CCDC170: variants seen among roughly 807,000 people sequenced by gnomAD.
CCDC170 encodes the protein coiled-coil domain containing 170.
CCDC170 carries 69 observed loss-of-function variants against 72.6 expected under a neutral mutation model. The ratio of observed to expected loss-of-function variants is 0.95; its 90% CI spans 0.78 to 1.16. The LOEUF (loss-of-function observed/expected upper bound fraction) is 1.16. Ranked by LOEUF, CCDC170 falls within the 50% of genes most tolerant of loss-of-function variation. CCDC170 has a pLI of 0.00. For synonymous variants in CCDC170, 300 were observed against 303.9 expected (o/e 0.99, Z 0.13); for missense variants, 852 against 832.5 (o/e 1.02, Z -0.29).
At chr6:151,516,199 T>C (rs569014616) in intron 1 of CCDC170, among the ~76,000 whole-genome samples, 47 of 152,312 alleles carry the variant, frequency 3.1e-4, no homozygotes, top group African/African-American at 1.1e-3. Context: ...CAGGAGTCTG[T>C]TCTCTCAGTC....
chr6:151,514,151 A>T (rs1263991384), intron 1 of CCDC170, among the ~76,000 whole-genome samples: 2 of 151,432 alleles, frequency 1.3e-5, no homozygotes, highest in African/African-American at 4.9e-5. Flanking sequence ...AATTACAAAA[A>T]TTAGCTGGGC....
intron 5 of CCDC170, among the ~76,000 whole-genome samples, chr6:151,561,180 C>A (rs1233023782): frequency 6.6e-6 from 1 of 151,736 alleles, no homozygotes; most frequent in Non-Finnish European, 1.5e-5. Context: ...ATGGGTATAT[C>A]CATCCCCTCA....
intron 5 of CCDC170, among the ~76,000 whole-genome samples, chr6:151,562,441 G>A (rs545904941): frequency 3.7e-4 from 56 of 152,114 alleles, no homozygotes; most frequent in Admixed American, 2.2e-3. Flanking sequence ...ATGTGTGATC[G>A]TTTGGCTTCA....
intron 6 of CCDC170, among the ~76,000 whole-genome samples, chr6:151,579,035 TC>T (rs773708091): frequency 1.6e-4 from 24 of 149,446 alleles, no homozygotes; most frequent in African/African-American, 2.5e-4. Flanking sequence ...GCTTTTTGTT[TC>T]AAAAAAAAAG....
chr6:151,585,389 C>A (rs974584540), intron 6 of CCDC170, among the ~76,000 whole-genome samples: 2 of 152,190 alleles, frequency 1.3e-5, no homozygotes, highest in Non-Finnish European at 2.9e-5. Flanking sequence ...AACCAATCTT[C>A]AACAGAAAGC....
In CCDC170 at chr6:151,617,971, T is replaced by A. The variant is rs758952219; in HGVS notation, c.1972T>A (p.Ser658Thr). The A allele has an allele frequency of 1.9e-6, 3 of 1,613,746 alleles. No individual in the cohort carries two copies. In the East Asian group the frequency reaches 6.7e-5, roughly 36 times the overall value. The change falls in exon 11 of 11, where the codon TCG becomes ACG. Residue 658 changes from serine (S) to threonine (T), a missense_variant. Physicochemically the swap from Ser to Thr is moderately conservative, Grantham distance 58 (BLOSUM62 1). Coordinates refer to ENST00000239374, the MANE Select transcript of CCDC170 (RefSeq NM_025059.4). ...GCTGGCAGACTTCAGGGAGGTGGTG[T>A]CGCAGATGCTAGGCTTGAACGTGAC... ...KQLADFREVV[S>T]QMLGLNVTSL...
At chr6:151,496,552 A>G (rs960027029) in intron 1 of CCDC170, among the ~76,000 whole-genome samples, 2 of 152,206 alleles carry the variant, frequency 1.3e-5, no homozygotes, top group African/African-American at 4.8e-5. Context: ...TTCTCACTAT[A>G]TAAGATGAGG....
At chr6:151,575,382 G>A (rs1383080107) in intron 6 of CCDC170, among the ~76,000 whole-genome samples, 1 of 146,836 alleles carries the variant, frequency 6.8e-6, no homozygotes, top group Non-Finnish European at 1.5e-5. Context: ...GCAGTGAGCC[G>A]AGATCGTGCC....
At chr6:151,497,893 C>A (rs1582997612) in intron 1 of CCDC170, among the ~76,000 whole-genome samples, 2 of 144,536 alleles carry the variant, frequency 1.4e-5, no homozygotes, top group Admixed American at 7.4e-5. Flanking sequence ...GGAGAATTGC[C>A]TGAACCTGGG....
At chr6:151,528,420 G>A (rs1403950509) in intron 1 of CCDC170, among the ~76,000 whole-genome samples, 1 of 152,138 alleles carries the variant, frequency 6.6e-6, no homozygotes, top group Non-Finnish European at 1.5e-5. Context: ...TTGTTTCTTT[G>A]TCATCACCTT....
At chr6:151,576,583 A>G (rs1382223139) in intron 6 of CCDC170, among the ~76,000 whole-genome samples, 2 of 152,250 alleles carry the variant, frequency 1.3e-5, no homozygotes, top group South Asian at 2.1e-4. Flanking sequence ...CCCACTCCCC[A>G]TAAAAATTAG....
chr6:151,566,840 A>T (rs2115080560), intron 5 of CCDC170, among the ~76,000 whole-genome samples: 1 of 152,338 alleles, frequency 6.6e-6, no homozygotes. Flanking sequence ...GTTTGTGACA[A>T]TCAGCTGCTT....
chr6:151,577,308 G>T (rs183375124), intron 6 of CCDC170, among the ~76,000 whole-genome samples: 4 of 152,096 alleles, frequency 2.6e-5, no homozygotes, highest in Non-Finnish European at 4.4e-5. Context: ...GTCCGCCGGG[G>T]GTCAAAATTG....
chr6:151,611,064 T>G (rs1776861885), intron 9 of CCDC170, among the ~76,000 whole-genome samples: 1 of 152,056 alleles, frequency 6.6e-6, no homozygotes, highest in African/African-American at 2.4e-5. Context: ...GATCACAAGG[T>G]GAGAAGATCA....
At chr6:151,528,974 G>A (rs1782451968) in intron 1 of CCDC170, among the ~76,000 whole-genome samples, 1 of 152,048 alleles carries the variant, frequency 6.6e-6, no homozygotes, top group African/African-American at 2.4e-5. Flanking sequence ...TACAAATAAT[G>A]AGTAAATACA....
chr6:151,519,358 C>G (rs1047082586), intron 1 of CCDC170, among the ~76,000 whole-genome samples: 1 of 152,260 alleles, frequency 6.6e-6, no homozygotes, highest in Admixed American at 6.5e-5. Flanking sequence ...CTATTCTGCC[C>G]GACCCCGCAG....
chr6:151,620,688 A>C lies in CCDC170; in HGVS notation c.*2541A>C, dbSNP rs1312775138. 6.6e-6 allele frequency: 1 copy of C among 152,016 alleles called. No homozygotes were observed. The highest frequency in any genetic ancestry group is 1.5e-5 in the Non-Finnish European group (1 of 67,984). The allele number at this position is 152,016 out of a possible 1,614,324, so 9.4% of individuals were successfully genotyped here. On this transcript the variant is annotated 3_prime_UTR_variant, in exon 11 of 11. Transcript: ENST00000239374. Reference sequence around the variant, plus strand: ...ATGAGAGTGGAGATTGTTTTTGTACATTCTCTTTGTTTTCATTTTCCAAAT... The same window carrying C: ...ATGAGAGTGGAGATTGTTTTTGTACCTTCTCTTTGTTTTCATTTTCCAAAT...
At chr6:151,525,592 C>CA in intron 1 of CCDC170, among the ~76,000 whole-genome samples, 1 of 152,326 alleles carries the variant, frequency 6.6e-6, no homozygotes, top group Non-Finnish European at 1.5e-5. Context: ...CCCCTGACCA[C>CA]AAAAATTGCT....
At chr6:151,513,017 C>G (rs1022726823) in intron 1 of CCDC170, among the ~76,000 whole-genome samples, 5 of 152,154 alleles carry the variant, frequency 3.3e-5, no homozygotes, top group Non-Finnish European at 7.3e-5. Flanking sequence ...TTTCCTTTGA[C>G]TCAGTTGTTT....
Sources: gnomAD v4.1 joint callset for allele counts (sites outside exome capture counted in the v4.1 genomes callset) on GRCh38, gnomAD v4.1.1 for gene constraint, MANE v1.5 for transcripts, NCBI Gene and HGNC (gene_info 2026-07-23, HGNC 2026-07-21) for gene names.